Variants in MRC1 observed in about 807,000 individuals in gnomAD.
MRC1 encodes macrophage mannose receptor 1.
MRC1 carries 62 observed loss-of-function variants against 102.9 expected under a neutral mutation model. The observed-to-expected ratio is 0.60, with a 90% CI of 0.49 to 0.74. The LOEUF (loss-of-function observed/expected upper bound fraction) is 0.74. Ranked by LOEUF, MRC1 falls within the 30% of genes least tolerant of loss-of-function variation. The pLI, the probability that MRC1 is intolerant of heterozygous loss-of-function variation, is 0.00. For missense variants in MRC1, 1,237 were observed against 862.8 expected (o/e 1.43, Z -5.43); for synonymous variants, 457 against 298.4 (o/e 1.53, Z -5.48).
intron 14 of MRC1, among the ~76,000 whole-genome samples, 176 bp from the exon 15 acceptor site, chr10:17,871,806 A>G (rs926921325): frequency 1.1e-4 from 17 of 152,212 alleles, no homozygotes; most frequent in Non-Finnish European, 1.9e-4. Flanking sequence ...CCATGTAATG[A>G]AAGCTGTTTC....
chr10:17,887,850 T>C (rs1489928170), intron 22 of MRC1, among the ~76,000 whole-genome samples: 1 of 152,230 alleles, frequency 6.6e-6, no homozygotes, highest in Non-Finnish European at 1.5e-5. Context: ...GTCGCCCGGC[T>C]GGTGTGCAAT....
chr10:17,822,906 G>T (rs1589164918), intron 1 of MRC1, among the ~76,000 whole-genome samples, 168 bp from the exon 2 acceptor site: 1 of 152,178 alleles, frequency 6.6e-6, no homozygotes, highest in African/African-American at 2.4e-5. Flanking sequence ...GATCCTCGAA[G>T]AGAGCTGGCC....
At chr10:17,888,448 A>T (rs1438885117) in intron 22 of MRC1, among the ~76,000 whole-genome samples, 1 of 152,214 alleles carries the variant, frequency 6.6e-6, no homozygotes, top group Non-Finnish European at 1.5e-5. Context: ...CTGACTTCAC[A>T]GTGACATGTC....
At chr10:17,813,870 G>A (rs1234580364) in intron 1 of MRC1, among the ~76,000 whole-genome samples, 1 of 151,484 alleles carries the variant, frequency 6.6e-6, no homozygotes, top group Admixed American at 6.6e-5. Context: ...GCTAACTTTT[G>A]TGTTTTTTTG....
At chr10:17,877,212 T>A (rs1833448751) in intron 17 of MRC1, among the ~76,000 whole-genome samples, 1 of 148,400 alleles carries the variant, frequency 6.7e-6, no homozygotes, top group South Asian at 2.1e-4. Flanking sequence ...AACAGATATA[T>A]CCTCCTGGCT....
In MRC1 at chr10:17,861,468, A is replaced by G. The variant is rs1443142485; in HGVS notation, c.1600A>G (p.Asn534Asp). The G allele has an allele frequency of 3.4e-6, 3 of 872,292 alleles. No individual in the cohort carries two copies. In the Admixed American group the frequency reaches 5.1e-5, roughly 15 times the overall value. The allele number at this position is 872,292 out of a possible 1,614,324, so 54.0% of individuals were successfully genotyped here. ...TFAEANQTCN[N>D]ENAYLTTIED... ...TGCAGAAGCAAACCAAACCTGTAAT[A>G]ATGAGAATGCTTATTTAACAACTAT... Residue 534 changes from asparagine (N) to aspartate (D), a missense_variant, in exon 10 of 30, where the codon AAT (asparagine) becomes GAT (aspartate). Physicochemically the swap from Asn to Asp is conservative, Grantham distance 23. Transcript: ENST00000569591.
At position 17,845,310 on chromosome 10, in the gene MRC1, G is replaced by A; in HGVS notation, c.938G>A (p.Gly313Glu). The A allele has an allele frequency of 1.3e-6, 1 of 780,790 alleles. No individual in the cohort carries two copies. Among genetic ancestry groups the A allele is most frequent in the South Asian group, 1.3e-5 (1 of 74,610 alleles). 48.4% of individuals were successfully genotyped at this position (780,790 alleles called of 1,614,324 possible). ...WLPGSPSAEP[G>E]KSCVSLNPGK... is the part of the protein sequence containing the mutation. ...GAAGGAAGTCCATCAGCTGAACCTG[G>A]AAAAAGCTGTGTGTCACTAAATCCT... Residue 313 changes from glycine (G) to glutamate (E), a missense_variant, in exon 6 of 30, where the codon GGA becomes GAA. Gly to Glu is a moderately conservative substitution (Grantham distance 98). Transcript: ENST00000569591.
At chr10:17,848,418 A>G (rs1838859235) in intron 6 of MRC1, among the ~76,000 whole-genome samples, 1 of 152,188 alleles carries the variant, frequency 6.6e-6, no homozygotes, top group African/African-American at 2.4e-5. Flanking sequence ...GGCAATAGGG[A>G]TGAATAAACA....
At chr10:17,866,177 A>C (rs1000975800) in intron 11 of MRC1, among the ~76,000 whole-genome samples, 1 of 152,118 alleles carries the variant, frequency 6.6e-6, no homozygotes, top group Admixed American at 6.5e-5. Context: ...TCTGTGAAAA[A>C]CTTTGGTCCT....
At chr10:17,827,446 A>G (rs1838497937) in intron 2 of MRC1, 96 bp from the exon 3 acceptor site, 1 of 744,182 alleles carries the variant, frequency 1.3e-6, no homozygotes, top group African/African-American at 1.7e-5. Flanking sequence ...TGTAATCAGA[A>G]CAGTAAGACC....
At chr10:17,847,121 A>G (rs1158986754) in intron 6 of MRC1, among the ~76,000 whole-genome samples, 1 of 151,774 alleles carries the variant, frequency 6.6e-6, no homozygotes, top group Admixed American at 6.6e-5. Context: ...TTTGCATTTT[A>G]CCTCTACTAT....
At chr10:17,830,407 C>T (rs944512477) in intron 3 of MRC1, among the ~76,000 whole-genome samples, 43 of 151,578 alleles carry the variant, frequency 2.8e-4, no homozygotes, top group Non-Finnish European at 6.0e-4. Flanking sequence ...GTTGGGATTA[C>T]AGGTGTGAGC....
chr10:17,867,915 G>A (rs1034719903), intron 12 of MRC1, among the ~76,000 whole-genome samples: 2 of 152,196 alleles, frequency 1.3e-5, no homozygotes, highest in African/African-American at 4.8e-5. Context: ...GATGGGTGAG[G>A]AAAGGAAATG....
intron 7 of MRC1, 126 bp downstream of exon 7, chr10:17,849,890 A>G (rs1589177232): frequency 3.3e-6 from 2 of 604,182 alleles, no homozygotes; most frequent in Admixed American, 2.6e-5. Flanking sequence ...TCAACGAACA[A>G]CGTATGAATT....
intron 3 of MRC1, among the ~76,000 whole-genome samples, chr10:17,832,894 T>A (rs986677214): frequency 9.2e-5 from 14 of 152,270 alleles, no homozygotes; most frequent in African/African-American, 3.1e-4. Context: ...CGGCTATTTT[T>A]ATTTTTATAT....
chr10:17,897,497 G>A (rs1047755856), intron 23 of MRC1, among the ~76,000 whole-genome samples: 2 of 152,108 alleles, frequency 1.3e-5, no homozygotes, highest in Admixed American at 6.5e-5. Context: ...AAGGTTAAAC[G>A]AACCAGGGAC....
intron 5 of MRC1, among the ~76,000 whole-genome samples, chr10:17,841,835 C>G (rs1838757348): frequency 3.3e-5 from 5 of 150,744 alleles, no homozygotes; most frequent in African/African-American, 1.2e-4. Flanking sequence ...TTGGTCACAT[C>G]TTATCAAATC....
rs1833345623 is a variant in MRC1, at chr10:17,870,891, T to C, written c.2155T>C (p.Tyr719His). The change falls in exon 14 of 30, where the codon TAT becomes CAT. Residue 719 changes from tyrosine to histidine, a missense_variant. By Grantham distance (83) the Tyr-to-His change is moderately conservative. Transcript: ENST00000569591. ...CAAACTGTTTTGGTTGGGATTGACA[T>C]ATGGAAGCCCTTCAGAAGGTTTTAC... ...YHKLFWLGLT[Y>H]GSPSEGFTWS... 2 of 872,356 alleles carry C rather than the reference T, an allele frequency of 2.3e-6. No homozygotes were observed. The highest frequency in any genetic ancestry group is 1.6e-5 in the African/African-American group (1 of 61,336). The allele number at this position is 872,356 out of a possible 1,614,324, so 54.0% of individuals were successfully genotyped here. A position where few individuals can be genotyped will look rare whatever the true frequency, so the allele number is the denominator to read the frequency against.
At chr10:17,819,882 C>T (rs1186903455) in intron 1 of MRC1, among the ~76,000 whole-genome samples, 1 of 152,136 alleles carries the variant, frequency 6.6e-6, no homozygotes, top group Admixed American at 6.5e-5. Flanking sequence ...GAATTCAAGG[C>T]TGCAGTGAGC....
Sources: allele counts gnomAD v4.1 joint callset (sites outside exome capture counted in the v4.1 genomes callset), GRCh38; gene constraint gnomAD v4.1.1; transcripts MANE v1.5; gene names NCBI Gene and HGNC (gene_info 2026-07-23, HGNC 2026-07-21).